Variants in TRRAP observed in about 807,000 individuals in gnomAD.
TRRAP encodes the protein transformation/transcription domain associated protein.
A neutral mutation model predicts 438.8 loss-of-function variants in TRRAP; 41 were observed. The ratio of observed to expected loss-of-function variants is 0.09; its 90% CI spans 0.07 to 0.12. The LOEUF (loss-of-function observed/expected upper bound fraction) is 0.12, where lower values mean the gene tolerates loss of function less well. Among genes scored for constraint, TRRAP ranks in the 10% least tolerant of loss-of-function variants. The pLI, the probability that TRRAP is intolerant of heterozygous loss-of-function variation, is 1.00. For synonymous variants in TRRAP, 1,994 were observed against 1,962.9 expected, an observed-to-expected ratio of 1.02 and a Z score of -0.42; for missense variants, 3,122 against 5,055.1, an observed-to-expected ratio of 0.62 and a Z score of 11.60.
At position 98,967,076 on chromosome 7, in the gene TRRAP, G is replaced by A. The variant is rs1792190627; in HGVS notation, c.7212G>A (p.Val2404=). The A allele has an allele frequency of 3.1e-6, 5 of 1,613,860 alleles. No individual in the cohort carries two copies. Among genetic ancestry groups the A allele is most frequent in the Admixed American group, 1.7e-5 (1 of 59,944 alleles). The change falls in exon 50 of 73, where the codon GTG becomes GTA. Residue 2404 remains valine, a synonymous_variant. Coordinates refer to ENST00000456197, the MANE Select transcript of TRRAP (RefSeq NM_001375524.1). ...TCCGGGAGAAGTCCATTTTGCTTGT[G>A]AAGATGATGACTTACATAGAAAAAC... is the stretch of plus-strand genomic sequence containing the variant. ...PTLREKSILL[V]KMMTYIEKRF... is the part of the protein sequence containing the mutation.
At chr7:98,978,190 A>G in intron 56 of TRRAP, 21 bp from the exon 57 acceptor site, 2 of 1,591,562 alleles carry the variant, frequency 1.3e-6, no homozygotes, top group Non-Finnish European at 1.7e-6. Context: ...ACAGTGATTT[A>G]AAAACATTAA....
Position 98,933,418 on chromosome 7 carries a change from T to C in TRRAP, c.4014+16T>C, listed in dbSNP as rs543645850. 8.7e-6 allele frequency: 14 copies of C among 1,609,282 alleles called. No individual in the cohort carries two copies. The highest frequency in any genetic ancestry group is 1.6e-4 in the Middle Eastern group (1 of 6,066). ...CTACACAGAGGTAGGGGGGTGGTGG[T>C]GCGGAGTGGTGTGGATGGTGATGAC... On this transcript the variant is annotated intron_variant, in intron 27 of 72. Transcript: ENST00000456197.
At chr7:98,886,408 C>A (rs1248320226) in intron 3 of TRRAP, among the ~76,000 whole-genome samples, 4 of 140,942 alleles carry the variant, frequency 2.8e-5, no homozygotes, top group South Asian at 2.3e-4. Context: ...ATATAGATAT[C>A]TAGAGAGATA....
chr7:98,917,871 C>T (rs1426004608), intron 20 of TRRAP, among the ~76,000 whole-genome samples, 192 bp downstream of exon 20: 5 of 152,020 alleles, frequency 3.3e-5, no homozygotes, highest in Non-Finnish European at 5.9e-5. Flanking sequence ...ACTGTGATCC[C>T]AGCACTTTGG....
chr7:98,896,035 T>G (rs980857653), intron 7 of TRRAP, among the ~76,000 whole-genome samples: 1 of 152,206 alleles, frequency 6.6e-6, no homozygotes, highest in African/African-American at 2.4e-5. Context: ...GTACTTTTTT[T>G]GTACATAAAG....
intron 43 of TRRAP, 103 bp from the exon 44 acceptor site, chr7:98,957,878 C>T (rs1453199982): frequency 3.1e-6 from 3 of 955,704 alleles, no homozygotes; most frequent in South Asian, 2.8e-5. Context: ...CTGCCTCTGT[C>T]CCCGGGAGGT....
intron 18 of TRRAP, among the ~76,000 whole-genome samples, chr7:98,913,272 C>G (rs1789364209): frequency 6.6e-6 from 1 of 152,028 alleles, no homozygotes; most frequent in Non-Finnish European, 1.5e-5. Flanking sequence ...TTGTCCACTT[C>G]ACTCAGGTTT....
intron 57 of TRRAP, 115 bp from the exon 58 acceptor site, chr7:98,978,653 AC>A: frequency 7.2e-7 from 1 of 1,396,376 alleles, no homozygotes; most frequent in Non-Finnish European, 1.0e-6. Context: ...GTCCACTCTT[AC>A]TGTGTTGTTC....
At chr7:98,915,403 G>C (rs1789477028) in intron 18 of TRRAP, among the ~76,000 whole-genome samples, 1 of 152,118 alleles carries the variant, frequency 6.6e-6, no homozygotes. Context: ...TGTTGGCCAG[G>C]CTGATCTCGT....
At chr7:98,997,659 C>T (rs897777313) in intron 67 of TRRAP, among the ~76,000 whole-genome samples, 26 of 151,816 alleles carry the variant, frequency 1.7e-4, no homozygotes, top group African/African-American at 6.3e-4. Context: ...ATTAGGCTTT[C>T]TCCTAGTCCA....
Position 98,909,922 on chromosome 7 carries a change from C to T in TRRAP, c.1351-134C>T, listed in dbSNP as rs535249628. The T allele has an allele frequency of 6.7e-4, 955 of 1,430,102 alleles. 1 individual carries two copies. Among genetic ancestry groups the T allele is most frequent in the Non-Finnish European group, 8.4e-4 (924 of 1,097,358 alleles). The allele number at this position is 1,430,102 out of a possible 1,614,324, so 88.6% of individuals were successfully genotyped here. ...GGCAAAAACTGCAATTCCTTTGACACCAACCTCATAGAAAAGCAGCATGAC... is the reference window on the plus strand; with the variant it reads ...GGCAAAAACTGCAATTCCTTTGACATCAACCTCATAGAAAAGCAGCATGAC... On this transcript the variant is annotated intron_variant, in intron 14 of 72. Coordinates refer to ENST00000456197, the MANE Select transcript of TRRAP (RefSeq NM_001375524.1).
Position 98,994,549 on chromosome 7 carries a change from G to T in TRRAP, c.10048-38G>T, listed in dbSNP as rs1404802238. 28 of 1,611,340 alleles carry T rather than the reference G, an allele frequency of 1.7e-5. No homozygotes were observed. The highest frequency in any genetic ancestry group is 2.3e-5 in the Non-Finnish European group (27 of 1,178,644). On this transcript the variant is annotated intron_variant, in intron 66 of 72. Transcript: ENST00000456197. This position sits in a 1 kb window ranked among gnomAD's most constrained non-coding sequence, Gnocchi z 4.8. ...TTGGCTGCTGGTTCTGGAGTGGAGG[G>T]CTGTGTTTGTCAGTTGTCTCTGGCT...
chr7:98,993,812 C>T, intron 66 of TRRAP, 75 bp downstream of exon 66: 2 of 1,476,910 alleles, frequency 1.4e-6, no homozygotes, highest in Non-Finnish European at 1.9e-6. Context: ...CTGTGGCTCT[C>T]TTCCCTTGAG....
rs985562554 is a variant in TRRAP at position 98,908,608 on chromosome 7, C to T, written c.1116-120C>T. The T allele has an allele frequency of 2.5e-6, 2 of 798,354 alleles. No individual in the cohort carries two copies. 49.5% of individuals were successfully genotyped at this position (798,354 alleles called of 1,614,324 possible). On this transcript the variant is annotated intron_variant, in intron 13 of 72. Transcript: ENST00000456197. This position sits in a 1 kb window ranked among gnomAD's most constrained non-coding sequence, Gnocchi z 4.1. ...GAGAGAGTAATGTGGTGAAAATGGGCCATGTAAGTGTGCCGACCCAGGGGT... is the reference window on the plus strand; with the variant it reads ...GAGAGAGTAATGTGGTGAAAATGGGTCATGTAAGTGTGCCGACCCAGGGGT...
intron 52 of TRRAP, among the ~76,000 whole-genome samples, 165 bp downstream of exon 52, chr7:98,970,456 T>C (rs1011237322): frequency 1.3e-5 from 2 of 149,228 alleles, no homozygotes; most frequent in Non-Finnish European, 3.0e-5. Flanking sequence ...GGAGTGGAGG[T>C]GAGGCCCCGC....
chr7:98,998,812 C>A, intron 67 of TRRAP: 1 of 265,552 alleles, frequency 3.8e-6, no homozygotes. Context: ...CTTACCTTAC[C>A]TCTGTTACAG....
intron 31 of TRRAP, among the ~76,000 whole-genome samples, chr7:98,944,196 T>C (rs910922967): frequency 5.9e-5 from 9 of 152,162 alleles, no homozygotes; most frequent in Non-Finnish European, 1.3e-4. Flanking sequence ...TCTCATCTGT[T>C]AGGTACTTTT....
intron 33 of TRRAP, among the ~76,000 whole-genome samples, chr7:98,947,430 G>GT (rs1170130710): frequency 2.0e-5 from 3 of 151,120 alleles, no homozygotes; most frequent in Non-Finnish European, 3.0e-5. Flanking sequence ...CTCTGCTAGG[G>GT]TTTTTTTTGT....
rs1238470645 is a variant in TRRAP, at chr7:98,879,199, C to T, written c.-62+562C>T. On this transcript the variant is annotated intron_variant, in intron 1 of 72. Transcript: ENST00000456197. ...GAGTAGGAGCAGGCCCGGCGCCAGC[C>T]CGGCCTGGGCCTTCGGCGTCCGGGG... is the stretch of plus-strand genomic sequence containing the variant. 2.0e-5 allele frequency among the ~76,000 whole-genome samples: 3 copies of T among 152,082 alleles called. No homozygotes were observed. The East Asian group carries it at 5.8e-4, about 29-fold the overall frequency.
Sources: gnomAD v4.1 joint callset for allele counts (sites outside exome capture counted in the v4.1 genomes callset) on GRCh38, gnomAD v4.1.1 for gene constraint, Gnocchi (gnomAD v3.1) non-coding constraint, MANE v1.5 for transcripts, NCBI Gene and HGNC (gene_info 2026-07-23, HGNC 2026-07-21) for gene names.